Variants in WASHC5 observed in about 807,000 individuals in gnomAD.
WASHC5 encodes WASH complex subunit strumpellin.
WASHC5 carries 101 observed loss-of-function variants against 150.4 expected under a neutral mutation model. The observed-to-expected ratio is 0.67, with a 90% CI of 0.57 to 0.79. The LOEUF is 0.79. Ranked by LOEUF, WASHC5 falls within the 30% of genes least tolerant of loss-of-function variation. The probability of loss-of-function intolerance (pLI) is 0.00; values close to 1 mark genes in which losing one functional copy is unlikely to be tolerated. For synonymous variants in WASHC5, 467 were observed against 491.2 expected (o/e 0.95, Z 0.65); for missense variants, 1,195 against 1,396.3 (o/e 0.86, Z 2.30).
At chr8:125,075,709 C>T (rs974138396) in intron 7 of WASHC5, among the ~76,000 whole-genome samples, 3 of 152,048 alleles carry the variant, frequency 2.0e-5, no homozygotes, top group East Asian at 3.9e-4. Flanking sequence ...CCCCTCATAA[C>T]GATAGTTTAT....
At chr8:125,057,082 T>G (rs1207091794) in intron 15 of WASHC5, among the ~76,000 whole-genome samples, 1 of 152,180 alleles carries the variant, frequency 6.6e-6, no homozygotes, top group African/African-American at 2.4e-5. Context: ...TTCAAAAATG[T>G]TAAGTAACAT....
Position 125,075,129 on chromosome 8 carries a change from C to T in WASHC5, c.865-18G>A. 3 of 1,464,534 alleles carry T rather than the reference C, an allele frequency of 2.0e-6. No homozygotes were observed. The highest frequency in any genetic ancestry group is 2.9e-6 in the Non-Finnish European group (3 of 1,044,092). The allele number at this position is 1,464,534 out of a possible 1,614,324, so 90.7% of individuals were successfully genotyped here. On this transcript the variant is annotated intron_variant, in intron 7 of 28. Coordinates refer to ENST00000318410, the MANE Select transcript of WASHC5 (RefSeq NM_014846.4). ...CTAATTACCTGAAAGAGGAGACATT[C>T]AGAATTTGTTAAATTCCTACTCACT...
rs199936194 is a variant in WASHC5, at chr8:125,083,738, A to G, written c.161T>C (p.Ile54Thr). ...DRADQQKYGDIIFDFSYFKGP... is the reference protein window; with the variant it reads ...DRADQQKYGDTIFDFSYFKGP... ...CTTAAAATAGCTGAAATCAAATATGATATCTCCATATTTCTGTTGATCAGC... is the reference window on the plus strand; with the variant it reads ...CTTAAAATAGCTGAAATCAAATATGGTATCTCCATATTTCTGTTGATCAGC... The change falls in exon 2 of 29, where the codon ATC (isoleucine) becomes ACC (threonine). Residue 54 changes from isoleucine (I) to threonine (T), a missense_variant. Around this residue, in one of 3 missense-constraint regions of WASHC5, gnomAD observed 195 missense variants for 206.9 expected, o/e 0.94. Transcript: ENST00000318410. 3.5e-5 allele frequency: 56 copies of G among 1,611,128 alleles called. No homozygotes were observed. Among genetic ancestry groups the G allele is most frequent in the Non-Finnish European group, 4.3e-5 (51 of 1,177,422 alleles).
intron 1 of WASHC5, among the ~76,000 whole-genome samples, chr8:125,085,494 G>C (rs1187774105): frequency 6.6e-6 from 1 of 152,180 alleles, no homozygotes; most frequent in Non-Finnish European, 1.5e-5. Flanking sequence ...AGAGAGAGAA[G>C]CGGAGGCAGA....
chr8:125,024,674 CT>C lies in WASHC5; in HGVS notation c.3424-2del, dbSNP rs775825862. ...AATTAGGCACATGTGCTTCAGCAAC[CT>C]GAAAAATTAAAGAATTAAATTATTC... On this transcript the variant is annotated splice_acceptor_variant, in intron 28 of 28. Transcript: ENST00000318410. LOFTEE classifies it high-confidence loss of function. 1 of 1,600,676 alleles carries C rather than the reference CT, an allele frequency of 6.2e-7. No individual in the cohort carries two copies. Among genetic ancestry groups the C allele is most frequent in the South Asian group, 1.1e-5 (1 of 90,766 alleles).
chr8:125,043,741 C>CT, intron 23 of WASHC5, 84 bp downstream of exon 23: 2 of 930,102 alleles, frequency 2.2e-6, no homozygotes, highest in Non-Finnish European at 3.4e-6. Context: ...AGAAGAGTAG[C>CT]TTTTTTTGGG....
intron 10 of WASHC5, among the ~76,000 whole-genome samples, chr8:125,064,552 C>A (rs1034474378): frequency 6.6e-6 from 1 of 151,630 alleles, no homozygotes; most frequent in Non-Finnish European, 1.5e-5. Flanking sequence ...TCCTTCATAA[C>A]ATTTAAATTC....
Position 125,083,776 on chromosome 8 carries a change from C to T in WASHC5, c.123G>A (p.Arg41=). The change falls in exon 2 of 29, where the codon AGG becomes AGA. Residue 41 remains arginine, a synonymous_variant. Coordinates refer to ENST00000318410, the MANE Select transcript of WASHC5 (RefSeq NM_014846.4). ...RLSEFIPAVF[R]LKDRADQQKY... ...TCTGTTGATCAGCTCTGTCTTTTAA[C>T]CTGAACACAGCAGGAATAAACTCAG... The T allele has an allele frequency of 6.2e-7, 1 of 1,613,890 alleles. No individual in the cohort carries two copies. Among genetic ancestry groups the T allele is most frequent in the Non-Finnish European group, 8.5e-7 (1 of 1,179,852 alleles).
At chr8:125,048,500 G>A (rs1816142243) in intron 19 of WASHC5, among the ~76,000 whole-genome samples, 1 of 152,144 alleles carries the variant, frequency 6.6e-6, no homozygotes, top group Non-Finnish European at 1.5e-5. Flanking sequence ...ATACCTTCAT[G>A]TGCACTAGGG....
At chr8:125,069,193 A>T (rs898161955) in intron 9 of WASHC5, among the ~76,000 whole-genome samples, 1 of 152,150 alleles carries the variant, frequency 6.6e-6, no homozygotes, top group African/African-American at 2.4e-5. Context: ...TTTGCTATAA[A>T]AGTGAGCTCT....
At chr8:125,058,745 A>C (rs1047835145) in intron 14 of WASHC5, among the ~76,000 whole-genome samples, 6 of 152,112 alleles carry the variant, frequency 3.9e-5, no homozygotes, top group South Asian at 4.1e-4. Flanking sequence ...AAGAAGAAGA[A>C]GACACTGAGT....
intron 1 of WASHC5, among the ~76,000 whole-genome samples, chr8:125,089,481 G>T (rs572143679): frequency 6.6e-6 from 1 of 152,324 alleles, no homozygotes; most frequent in African/African-American, 2.4e-5. Flanking sequence ...ATTCTGGGCC[G>T]CATGTGGCCT....
intron 28 of WASHC5, among the ~76,000 whole-genome samples, chr8:125,025,620 G>A (rs1479785994): frequency 2.0e-5 from 3 of 152,116 alleles, no homozygotes; most frequent in Admixed American, 6.5e-5. Context: ...CCAGGGAGGC[G>A]GAGGCTGTAG....
At chr8:125,064,024 G>A (rs1288927320) in intron 10 of WASHC5, among the ~76,000 whole-genome samples, 1 of 152,126 alleles carries the variant, frequency 6.6e-6, no homozygotes, top group Admixed American at 6.5e-5. Context: ...GTTCCTTCTA[G>A]GCAACAATGT....
At chr8:125,060,166 T>C (rs528972484) in intron 12 of WASHC5, among the ~76,000 whole-genome samples, 13 of 152,304 alleles carry the variant, frequency 8.5e-5, no homozygotes, top group African/African-American at 2.9e-4. Context: ...GATAGGGTTA[T>C]AGATTATGAG....
Position 125,067,623 on chromosome 8 carries a change from T to C in WASHC5, c.1247A>G (p.Asp416Gly). 2 of 1,612,914 alleles carry C rather than the reference T, an allele frequency of 1.2e-6. No individual in the cohort carries two copies. The highest frequency in any genetic ancestry group is 1.7e-6 in the Non-Finnish European group (2 of 1,178,962). The part of the protein sequence containing the change: ...NPRILFQLLL[D>G]TAQFEFILKE... ...GAGTATAAACTCAAATTGTGCAGTATCTAACAGCAGCTGGAAGAGGATCCT... is the reference window on the plus strand; with the variant it reads ...GAGTATAAACTCAAATTGTGCAGTACCTAACAGCAGCTGGAAGAGGATCCT... The change falls in exon 10 of 29, where the codon GAT becomes GGT. Residue 416 changes from aspartate (D) to glycine (G), a missense_variant. Asp to Gly is a moderately conservative substitution (Grantham distance 94). This residue lies in a region of WASHC5 where 997 missense variants were observed against 1,168.1 expected (regional missense o/e 0.85). Transcript: ENST00000318410.
Position 125,059,517 on chromosome 8 carries a change from G to T in WASHC5, c.1547C>A (p.Ser516Tyr), listed in dbSNP as rs1459956773. 32 of 1,613,406 alleles carry T rather than the reference G, an allele frequency of 2.0e-5. No individual in the cohort carries two copies. The highest frequency in any genetic ancestry group is 2.7e-5 in the Non-Finnish European group (32 of 1,179,622). Residue 516 changes from serine (S) to tyrosine (Y), a missense_variant, in exon 13 of 29, where the codon TCC becomes TAC. By Grantham distance (144) the Ser-to-Tyr change is moderately radical. Transcript: ENST00000318410. Reference protein sequence around the residue: ...EEVQEFHQLESNLQVCQFLAD... With the variant: ...EEVQEFHQLEYNLQVCQFLAD... ...AAGAAACTGACATACTTGCAGATTG[G>T]ATTCCAACTGGTGGAATTCTTGAAC...
chr8:125,027,918 T>C (rs534440887), intron 28 of WASHC5, among the ~76,000 whole-genome samples: 5 of 152,360 alleles, frequency 3.3e-5, no homozygotes, highest in Non-Finnish European at 7.3e-5. Flanking sequence ...CATGACACTG[T>C]GACAGTCCTG....
chr8:125,088,833 T>C (rs1267309339), intron 1 of WASHC5, among the ~76,000 whole-genome samples: 1 of 152,078 alleles, frequency 6.6e-6, no homozygotes, highest in African/African-American at 2.4e-5. Flanking sequence ...TATGCAGCAA[T>C]AGATAATGAT....
Sources: allele counts gnomAD v4.1 joint callset (sites outside exome capture counted in the v4.1 genomes callset), GRCh38; gene constraint gnomAD v4.1.1; regional missense constraint gnomAD v4.1.1; transcripts MANE v1.5; gene names NCBI Gene and HGNC (gene_info 2026-07-23, HGNC 2026-07-21).